The following SUPT16H variants were observed in gnomAD, a reference collection of about 807,000 sequenced individuals.
SUPT16H encodes SPT16 homolog, facilitates chromatin remodeling subunit, also known as FACT complex subunit SPT16.
In SUPT16H, 24 loss-of-function variants were observed where a neutral mutation model predicts 136.2. The ratio of observed to expected loss-of-function variants is 0.18; its 90% confidence interval spans 0.13 to 0.25. SUPT16H has a LOEUF of 0.25. Ranked by LOEUF, SUPT16H falls within the 10% of genes least tolerant of loss-of-function variation. The pLI is 1.00. For synonymous variants in SUPT16H, 415 were observed against 428.2 expected (o/e 0.97, Z 0.38); for missense variants, 623 against 1,270.2 (o/e 0.49, Z 7.74).
chr14:21,362,337 A>G lies in SUPT16H; in HGVS notation c.1666-13T>C. 6.2e-7 allele frequency: 1 copy of G among 1,601,936 alleles called. No homozygotes were observed. The highest frequency in any genetic ancestry group is 8.5e-7 in the Non-Finnish European group (1 of 1,175,752). On this transcript the variant is annotated splice_polypyrimidine_tract_variant and intron_variant, in intron 14 of 25. Transcript: ENST00000216297. Reference sequence around the variant, plus strand: ...ACATACTTATATTCTGTTCAAAGGAAAAGCATAAAAAGTAAACAGATTTCT... The same window carrying G: ...ACATACTTATATTCTGTTCAAAGGAGAAGCATAAAAAGTAAACAGATTTCT...
At chr14:21,363,628 T>A in intron 10 of SUPT16H, 125 bp from the exon 11 acceptor site, 1 of 815,768 alleles carries the variant, frequency 1.2e-6, no homozygotes, top group Non-Finnish European at 2.0e-6. Flanking sequence ...TGAATAAATA[T>A]AGTTTTTATC....
chr14:21,378,020 C>T lies in SUPT16H; in HGVS notation c.67-4590G>A, dbSNP rs72488265. ...TAGGGGACCCAATATTGCAAAGTCC[C>T]GAGGTTCAACAGGCCTAAAGAGTAA... On this transcript the variant is annotated intron_variant, in intron 1 of 25. Transcript: ENST00000216297. Among the ~76,000 whole-genome samples, 491 of 152,184 alleles carry T rather than the reference C, an allele frequency of 3.2e-3. 7 individuals carry two copies. The East Asian group carries it at 0.057, about 18-fold the overall frequency.
Position 21,368,448 on chromosome 14 carries a change from A to G in SUPT16H, c.783-7T>C, listed in dbSNP as rs911227535. On this transcript the variant is annotated splice_polypyrimidine_tract_variant and splice_region_variant and intron_variant, in intron 6 of 25. Transcript: ENST00000216297. ...GTGCATATGATTCTTGTCACTAGAGACCAACAAAGAAAGAAAACATTTCAT... is the reference window on the plus strand; with the variant it reads ...GTGCATATGATTCTTGTCACTAGAGGCCAACAAAGAAAGAAAACATTTCAT... 2.5e-6 allele frequency: 4 copies of G among 1,585,010 alleles called. No homozygotes were observed. The highest frequency in any genetic ancestry group is 3.4e-6 in the Non-Finnish European group (4 of 1,166,452).
intron 5 of SUPT16H, 121 bp downstream of exon 5, chr14:21,369,629 C>T (rs1886744366): frequency 1.5e-6 from 2 of 1,303,224 alleles, no homozygotes; most frequent in Non-Finnish European, 2.1e-6. Flanking sequence ...GATGTAATTA[C>T]CACCAACTTA....
At chr14:21,370,677 G>A (rs1886767076) in intron 3 of SUPT16H, among the ~76,000 whole-genome samples, 189 bp from the exon 4 acceptor site, 1 of 152,118 alleles carries the variant, frequency 6.6e-6, no homozygotes, top group African/African-American at 2.4e-5. Context: ...ACAGTGGTGT[G>A]ATCACAGCTT....
At position 21,372,815 on chromosome 14, in the gene SUPT16H, C is replaced by T. The variant is rs148552309; in HGVS notation, c.159+523G>A. On this transcript the variant is annotated intron_variant, in intron 2 of 25. Coordinates refer to ENST00000216297, the MANE Select transcript of SUPT16H (RefSeq NM_007192.4). Reference sequence around the variant, plus strand: ...ATACTGATATTAATACTTCTTTTTCCTTATGTCTTAAATCACTGCTAAATC... The same window carrying T: ...ATACTGATATTAATACTTCTTTTTCTTTATGTCTTAAATCACTGCTAAATC... The T allele has an allele frequency of 6.5e-5, 23 of 355,506 alleles. No individual in the cohort carries two copies. In the East Asian group the frequency reaches 1.6e-3, roughly 24 times the overall value. 22.0% of individuals were successfully genotyped at this position (355,506 alleles called of 1,614,324 possible).
At chr14:21,363,530 C>T (rs573534390) in intron 10 of SUPT16H, 27 bp from the exon 11 acceptor site, 9 of 1,603,820 alleles carry the variant, frequency 5.6e-6, no homozygotes, top group Non-Finnish European at 7.7e-6. Context: ...AATGAAGACA[C>T]ATTATTTAAA....
Position 21,368,394 on chromosome 14 carries a change from A to G in SUPT16H, c.830T>C (p.Ile277Thr). Residue 277 changes from isoleucine to threonine, a missense_variant, in exon 7 of 26, where the codon ATT becomes ACT. By Grantham distance (89) the Ile-to-Thr change is moderately conservative (BLOSUM62 -1). This residue lies in a region of SUPT16H where 343 missense variants were observed against 525.7 expected (regional missense o/e 0.65). Coordinates refer to ENST00000216297, the MANE Select transcript of SUPT16H (RefSeq NM_007192.4). ...GTTGGAGCAGTAAGACTTGAAGCGA[A>G]TACCCATGGCACAAGTGATAGCCCC... ...HFGAITCAMG[I>T]RFKSYCSNLV... is the part of the protein sequence containing the mutation. 6.2e-7 allele frequency: 1 copy of G among 1,614,068 alleles called. No homozygotes were observed. The highest frequency in any genetic ancestry group is 8.5e-7 in the Non-Finnish European group (1 of 1,179,978).
rs1239309621 is a variant in SUPT16H at position 21,360,830 on chromosome 14, G to A, written c.2056+16C>T. On this transcript the variant is annotated intron_variant, in intron 17 of 25. Transcript: ENST00000216297. ...CCCTGAAGAGAAAGCCTAGGTACAG[G>A]AGAGATCATCCATACCATTGACATG... 1 of 1,611,496 alleles carries A rather than the reference G, an allele frequency of 6.2e-7. No individual in the cohort carries two copies. The highest frequency in any genetic ancestry group is 1.7e-5 in the Admixed American group (1 of 59,370).
chr14:21,368,503 A>G (rs577217475), intron 6 of SUPT16H, 62 bp from the exon 7 acceptor site: 14 of 1,510,226 alleles, frequency 9.3e-6, no homozygotes, highest in East Asian at 2.4e-5. Context: ...CTTGGTATCA[A>G]TGGGACACGG....
Position 21,364,828 on chromosome 14 carries a change from T to C in SUPT16H, c.1232A>G (p.Glu411Gly). Residue 411 changes from glutamate to glycine, a missense_variant and splice_region_variant, in exon 10 of 26, where the codon GAG becomes GGG. Physicochemically the swap from Glu to Gly is moderately conservative, Grantham distance 98 (BLOSUM62 -2). Around this residue, in one of 7 missense-constraint regions of SUPT16H, gnomAD observed 343 missense variants for 525.7 expected, o/e 0.65. Coordinates refer to ENST00000216297, the MANE Select transcript of SUPT16H (RefSeq NM_007192.4). The part of the protein sequence containing the change: ...LFIGDTVLVD[E>G]DGPATVLTSV... The stretch of plus-strand genomic sequence containing the variant: ...CCAAAGTTTAGACACAATACACACC[T>C]CATCCACAAGCACTGTGTCACCAAT... 6.2e-7 allele frequency: 1 copy of C among 1,611,566 alleles called. No individual in the cohort carries two copies. The highest frequency in any genetic ancestry group is 8.5e-7 in the Non-Finnish European group (1 of 1,179,350).
chr14:21,375,256 C>CA (rs1886876264), intron 1 of SUPT16H, among the ~76,000 whole-genome samples: 1 of 48,732 alleles, frequency 2.1e-5, no homozygotes, highest in African/African-American at 3.8e-5. Context: ...TCAAGTGATC[C>CA]GCCCCCACTT....
chr14:21,354,451 A>G lies in SUPT16H; in HGVS notation c.2750T>C (p.Phe917Ser). Residue 917 changes from phenylalanine (F) to serine (S), a missense_variant, in exon 23 of 26, where the codon TTC (phenylalanine) becomes TCC (serine). This residue lies in a region of SUPT16H where 74 missense variants were observed against 193.8 expected (regional missense o/e 0.38). Transcript: ENST00000216297. ...CAGGAAAGACCAGCCACCTTGTTCG[A>G]AGAAGCCCTCAGGGTCATCAACAAT... Reference protein sequence around the residue: ...KTIVDDPEGFFEQGGWSFLEP... With the variant: ...KTIVDDPEGFSEQGGWSFLEP... The G allele has an allele frequency of 6.2e-7, 1 of 1,614,194 alleles. No individual in the cohort carries two copies. Among genetic ancestry groups the G allele is most frequent in the Non-Finnish European group, 8.5e-7 (1 of 1,180,006 alleles).
intron 22 of SUPT16H, among the ~76,000 whole-genome samples, chr14:21,355,791 A>G (rs1315871536): frequency 6.6e-6 from 1 of 152,186 alleles, no homozygotes; most frequent in Non-Finnish European, 1.5e-5. Flanking sequence ...AAGGATAAAA[A>G]CAAACAACCA....
Position 21,352,285 on chromosome 14 carries a change from C to T in SUPT16H, c.*388G>A. The T allele has an allele frequency of 4.6e-6, 1 of 218,336 alleles. No individual in the cohort carries two copies. The allele number at this position is 218,336 out of a possible 1,614,324, so 13.5% of individuals were successfully genotyped here. On this transcript the variant is annotated 3_prime_UTR_variant, in exon 26 of 26. Coordinates refer to ENST00000216297, the MANE Select transcript of SUPT16H (RefSeq NM_007192.4). ...GAGGATTGAATGTGCTGGTCAAGAACCATGATACGGGTAATTAAGGGTCAC... is the reference window on the plus strand; with the variant it reads ...GAGGATTGAATGTGCTGGTCAAGAATCATGATACGGGTAATTAAGGGTCAC...
At chr14:21,353,008 T>C (rs752618532) in intron 25 of SUPT16H, among the ~76,000 whole-genome samples, 190 bp from the exon 26 acceptor site, 1 of 152,232 alleles carries the variant, frequency 6.6e-6, no homozygotes, top group Non-Finnish European at 1.5e-5. Flanking sequence ...AGGTAACCTA[T>C]GAAAACTACC....
chr14:21,369,457 T>G, intron 5 of SUPT16H, 102 bp from the exon 6 acceptor site: 3 of 1,459,884 alleles, frequency 2.1e-6, no homozygotes, highest in Non-Finnish European at 2.8e-6. Context: ...TGTATAAGTC[T>G]TAGGAAATGA....
chr14:21,374,919 C>T (rs555170515), intron 1 of SUPT16H, among the ~76,000 whole-genome samples: 4 of 152,328 alleles, frequency 2.6e-5, no homozygotes, highest in African/African-American at 7.2e-5. Context: ...ATTTCACATT[C>T]CTAAGAATGT....
intron 22 of SUPT16H, among the ~76,000 whole-genome samples, chr14:21,355,407 C>T (rs1305716321): frequency 1.3e-5 from 2 of 150,652 alleles, no homozygotes; most frequent in Admixed American, 6.7e-5. Flanking sequence ...GCAGGAGAAT[C>T]GCTTGAACCT....
Sources: allele counts gnomAD v4.1 joint callset (sites outside exome capture counted in the v4.1 genomes callset), GRCh38; gene constraint gnomAD v4.1.1; regional missense constraint gnomAD v4.1.1; transcripts MANE v1.5; gene names NCBI Gene and HGNC (gene_info 2026-07-23, HGNC 2026-07-21).